Variants in FREM1 observed in about 807,000 individuals in gnomAD.
FREM1 encodes the protein FRAS1 related extracellular matrix 1.
Under a neutral mutation model 210.1 loss-of-function variants are expected in FREM1, and 220 were observed. The ratio of observed to expected loss-of-function variants is 1.05; its 90% CI spans 0.94 to 1.17. The LOEUF is 1.17. FREM1 is among the 50% of genes most tolerant of loss of function. The pLI, the probability that FREM1 is intolerant of heterozygous loss-of-function variation, is 0.00. For missense variants in FREM1, 3,454 were observed against 2,675.5 expected (o/e 1.29, Z -6.42); for synonymous variants, 1,189 against 980.2 (o/e 1.21, Z -3.98).
chr9:14,854,626 A>G (rs1191693684), intron 5 of FREM1, among the ~76,000 whole-genome samples: 1 of 152,088 alleles, frequency 6.6e-6, no homozygotes, highest in Non-Finnish European at 1.5e-5. Flanking sequence ...GAAAAGAAAG[A>G]ACAAAATTAT....
chr9:14,895,012 G>C (rs1327121219), intron 1 of FREM1, among the ~76,000 whole-genome samples: 3 of 152,202 alleles, frequency 2.0e-5, no homozygotes, highest in African/African-American at 7.2e-5. Context: ...CAGGGTTCCT[G>C]ACCTGGTGGT....
At chr9:14,859,902 C>G (rs975954345) in intron 3 of FREM1, among the ~76,000 whole-genome samples, 6 of 152,040 alleles carry the variant, frequency 3.9e-5, no homozygotes, top group Admixed American at 3.3e-4. Flanking sequence ...TCAGAAATAC[C>G]ACTACATAGG....
intron 27 of FREM1, among the ~76,000 whole-genome samples, chr9:14,765,004 A>C (rs924954525): frequency 2.0e-5 from 3 of 152,196 alleles, no homozygotes; most frequent in African/African-American, 7.2e-5. Context: ...CAAAGGGGTT[A>C]AGTGAACCTT....
chr9:14,896,137 TG>T (rs143436464), intron 1 of FREM1, among the ~76,000 whole-genome samples: 18,415 of 152,036 alleles, frequency 0.12, 1,515 homozygotes, highest in East Asian at 0.45. Context: ...AAAATCAAGA[TG>T]GGGATAAAAG....
At chr9:14,793,282 TA>T (rs1851746664) in intron 21 of FREM1, among the ~76,000 whole-genome samples, 1 of 152,212 alleles carries the variant, frequency 6.6e-6, no homozygotes. Context: ...GAAACTCAAT[TA>T]AAGAGATTCA....
At chr9:14,785,969 G>T (rs371658199) in intron 23 of FREM1, among the ~76,000 whole-genome samples, 7 of 152,132 alleles carry the variant, frequency 4.6e-5, no homozygotes, top group African/African-American at 1.7e-4. Context: ...AGGTAGAAGT[G>T]GGTCACACAT....
Position 14,863,881 on chromosome 9 carries a change from G to C in FREM1, c.257C>G (p.Pro86Arg). 6.2e-7 allele frequency: 1 copy of C among 1,610,752 alleles called. No individual in the cohort carries two copies. Among genetic ancestry groups the C allele is most frequent in the Non-Finnish European group, 8.5e-7 (1 of 1,177,060 alleles). The change falls in exon 3 of 37, where the codon CCC becomes CGC. Residue 86 changes from proline (P) to arginine (R), a missense_variant. Pro to Arg is a moderately radical substitution (Grantham distance 103, BLOSUM62 -2). Coordinates refer to ENST00000380880, the MANE Select transcript of FREM1 (RefSeq NM_001379081.2). ...ATTGTGAACATACTTGACTTCGTTGGGAAGGAAATGGCAGTCAAAGACCTA... is the reference window on the plus strand; with the variant it reads ...ATTGTGAACATACTTGACTTCGTTGCGAAGGAAATGGCAGTCAAAGACCTA... ...TPQVFDCHFL[P>R]NEVKYVHNGC... is the part of the protein sequence containing the mutation.
chr9:14,835,111 A>C (rs533182076), intron 10 of FREM1, among the ~76,000 whole-genome samples: 5 of 152,368 alleles, frequency 3.3e-5, no homozygotes, highest in African/African-American at 1.2e-4. Context: ...AATATCAAGC[A>C]AAACAAAATT....
At chr9:14,833,745 G>A (rs1824007860) in intron 10 of FREM1, among the ~76,000 whole-genome samples, 1 of 152,140 alleles carries the variant, frequency 6.6e-6, no homozygotes, top group Admixed American at 6.5e-5. Context: ...TATTTAAAAG[G>A]CCTTTATGTT....
At chr9:14,766,986 C>G (rs933252353) in intron 27 of FREM1, among the ~76,000 whole-genome samples, 1 of 152,182 alleles carries the variant, frequency 6.6e-6, no homozygotes, top group African/African-American at 2.4e-5. Context: ...GTAATCACCA[C>G]AAGTTGCATT....
chr9:14,825,197 A>G (rs1444331836), intron 10 of FREM1, among the ~76,000 whole-genome samples: 2 of 152,120 alleles, frequency 1.3e-5, no homozygotes, highest in African/African-American at 4.8e-5. Flanking sequence ...TAAGAATATT[A>G]TTATCACAGG....
At chr9:14,901,626 G>A (rs1204785193) in intron 1 of FREM1, among the ~76,000 whole-genome samples, 3 of 151,856 alleles carry the variant, frequency 2.0e-5, no homozygotes, top group Middle Eastern at 3.2e-3. Context: ...AGTAATGCAT[G>A]ACACAGGTCA....
At chr9:14,819,803 C>T (rs554497307) in intron 13 of FREM1, among the ~76,000 whole-genome samples, 43 of 152,288 alleles carry the variant, frequency 2.8e-4, no homozygotes, top group African/African-American at 1.0e-3. Flanking sequence ...CTGTTCAATA[C>T]ACATACAGCT....
intron 10 of FREM1, among the ~76,000 whole-genome samples, chr9:14,835,554 G>T (rs1247217882): frequency 6.6e-6 from 1 of 152,212 alleles, no homozygotes; most frequent in African/African-American, 2.4e-5. Flanking sequence ...CCTGTGGTCA[G>T]TGAAGAATGT....
chr9:14,821,677 A>G (rs1226165946), intron 13 of FREM1, among the ~76,000 whole-genome samples: 4 of 152,248 alleles, frequency 2.6e-5, no homozygotes, highest in African/African-American at 9.6e-5. Flanking sequence ...TTTCTACCAA[A>G]GATGGCAAGT....
At chr9:14,890,677 A>G (rs1836659934) in intron 1 of FREM1, among the ~76,000 whole-genome samples, 1 of 152,222 alleles carries the variant, frequency 6.6e-6, no homozygotes, top group Admixed American at 6.5e-5. Flanking sequence ...TCTATACCTA[A>G]TAAGTCTACT....
chr9:14,770,579 A>T lies in FREM1; in HGVS notation c.5059+26T>A, dbSNP rs116570001. On this transcript the variant is annotated intron_variant, in intron 26 of 36. Coordinates refer to ENST00000380880, the MANE Select transcript of FREM1 (RefSeq NM_001379081.2). ...AGCCACTGGGTATTTTAAAATGGCA[A>T]TTGTAAGGATTAAGGAGGCCAGTAC... 4 of 1,568,104 alleles carry T rather than the reference A, an allele frequency of 2.6e-6. No individual in the cohort carries two copies. The East Asian group carries it at 9.0e-5, about 35-fold the overall frequency.
At chr9:14,753,151 G>A (rs1416281760) in intron 29 of FREM1, among the ~76,000 whole-genome samples, 1 of 152,154 alleles carries the variant, frequency 6.6e-6, no homozygotes, top group East Asian at 1.9e-4. Flanking sequence ...CAGAAGGCTT[G>A]GACTGGCTCC....
intron 11 of FREM1, among the ~76,000 whole-genome samples, chr9:14,824,488 G>A (rs184228315): frequency 1.5e-3 from 229 of 152,282 alleles, no homozygotes; most frequent in Middle Eastern, 6.8e-3. Context: ...ACTAATGTTA[G>A]GAAGACCTCA....
Sources: gnomAD v4.1 joint callset for allele counts (sites outside exome capture counted in the v4.1 genomes callset) on GRCh38, gnomAD v4.1.1 for gene constraint, MANE v1.5 for transcripts, NCBI Gene and HGNC (gene_info 2026-07-23, HGNC 2026-07-21) for gene names.